Variants in DNAAF4 observed in about 807,000 individuals in gnomAD.
DNAAF4 encodes the protein dynein assembly factor 4, axonemal.
Under a neutral mutation model 51.8 loss-of-function variants are expected in DNAAF4, and 43 were observed. The ratio of observed to expected loss-of-function variants is 0.83; its 90% confidence interval spans 0.65 to 1.07. DNAAF4 has a LOEUF of 1.07. Ranked by LOEUF, DNAAF4 falls within the 50% of genes least tolerant of loss-of-function variation. The probability of loss-of-function intolerance (pLI) is 0.00; values close to 1 mark genes in which losing one functional copy is unlikely to be tolerated. For missense variants in DNAAF4, 581 were observed against 493.0 expected (o/e 1.18, Z -1.69); for synonymous variants, 194 against 165.6 (o/e 1.17, Z -1.32).
At chr15:55,424,730 G>A (rs1308868422) in intron 7 of DNAAF4, among the ~76,000 whole-genome samples, 1 of 150,788 alleles carries the variant, frequency 6.6e-6, no homozygotes, top group Non-Finnish European at 1.5e-5. Flanking sequence ...GCCCAGCTAA[G>A]TTTTGTATTT....
chr15:55,478,901 T>C (rs1325103696), intron 4 of DNAAF4, among the ~76,000 whole-genome samples: 1 of 152,108 alleles, frequency 6.6e-6, no homozygotes, highest in Non-Finnish European at 1.5e-5. Flanking sequence ...CCTGAGTACC[T>C]TGAAATATCT....
chr15:55,494,973 G>T (rs1056578936), intron 3 of DNAAF4, among the ~76,000 whole-genome samples: 1 of 152,096 alleles, frequency 6.6e-6, no homozygotes, highest in Non-Finnish European at 1.5e-5. Flanking sequence ...AGATATGACA[G>T]AGACCATATG....
At chr15:55,428,557 C>T (rs931484995), downstream of DNAAF4, among the ~76,000 whole-genome samples, 1 of 128,048 alleles carries the variant, frequency 7.8e-6, no homozygotes, top group African/African-American at 3.0e-5. Context: ...TACAGTGGCA[C>T]AATCTCGGCT....
chr15:55,469,174 A>T (rs914642213), intron 4 of DNAAF4, among the ~76,000 whole-genome samples: 1 of 151,892 alleles, frequency 6.6e-6, no homozygotes, highest in Non-Finnish European at 1.5e-5. Flanking sequence ...CTACTAAAAA[A>T]TACAAAATTT....
downstream of DNAAF4, among the ~76,000 whole-genome samples, chr15:55,425,510 G>T (rs910348058): frequency 6.6e-6 from 1 of 152,048 alleles, no homozygotes; most frequent in Non-Finnish European, 1.5e-5. Context: ...GGCCTCACAG[G>T]AATGAAAAGA....
intron 5 of DNAAF4, among the ~76,000 whole-genome samples, chr15:55,457,757 T>G (rs1392796753): frequency 6.6e-6 from 1 of 152,098 alleles, no homozygotes; most frequent in Non-Finnish European, 1.5e-5. Flanking sequence ...GTACTTGAAG[T>G]GCACTAAACA....
At chr15:55,444,843 T>C (rs1183928147) in intron 6 of DNAAF4, among the ~76,000 whole-genome samples, 2 of 152,142 alleles carry the variant, frequency 1.3e-5, no homozygotes, top group Admixed American at 1.3e-4. Context: ...TTCGGCTCTC[T>C]GTTTGTCTGT....
intron 3 of DNAAF4, among the ~76,000 whole-genome samples, chr15:55,493,165 C>T (rs1220380544): frequency 2.0e-5 from 3 of 152,086 alleles, no homozygotes; most frequent in Non-Finnish European, 4.4e-5. Context: ...GAGCCCTCAC[C>T]GCATACCAAA....
At position 55,447,850 on chromosome 15, in the gene DNAAF4, CAGAGGGGAGAGGGGAGAGGGG is replaced by C. The variant is rs201086945; in HGVS notation, c.783+2351_783+2371del. Among the ~76,000 whole-genome samples, 8 of 45,410 alleles carry C rather than the reference CAGAGGGGAGAGGGGAGAGGGG, an allele frequency of 1.8e-4. 1 individual carries two copies. The highest frequency in any genetic ancestry group is 4.4e-4 in the African/African-American group (5 of 11,336). The allele number at this position is 45,410 out of a possible 152,430, so 29.8% of individuals were successfully genotyped here. Reference sequence around the variant, plus strand: ...AGGGCAGAGGGGAGAGGGGAGAGGGCAGAGGGGAGAGGGGAGAGGGGAGAGGGGAGAGGGGAGCCCCTTTAT... The same window carrying C: ...AGGGCAGAGGGGAGAGGGGAGAGGGCAGAGGGGAGAGGGGAGCCCCTTTAT... On this transcript the variant is annotated intron_variant, in intron 6 of 9. Transcript: ENST00000321149.
chr15:55,480,541 C>T (rs986966093), intron 4 of DNAAF4, among the ~76,000 whole-genome samples: 28 of 152,104 alleles, frequency 1.8e-4, no homozygotes, highest in African/African-American at 4.3e-4. Flanking sequence ...ATTGTTTGCA[C>T]TGCACACTTG....
intron 1 of DNAAF4, among the ~76,000 whole-genome samples, chr15:55,499,253 A>G (rs895398358): frequency 2.0e-5 from 3 of 152,210 alleles, no homozygotes; most frequent in African/African-American, 4.8e-5. Flanking sequence ...GAGGTCACAC[A>G]TGGACTCTGC....
chr15:55,467,266 G>C (rs1397230203), intron 4 of DNAAF4, 105 bp from the exon 5 acceptor site: 3 of 1,078,304 alleles, frequency 2.8e-6, no homozygotes, highest in African/African-American at 1.6e-5. Flanking sequence ...CTAAACTCTT[G>C]CCATTGTATT....
intron 4 of DNAAF4, among the ~76,000 whole-genome samples, chr15:55,484,497 A>G (rs1232456697): frequency 6.6e-6 from 1 of 151,880 alleles, no homozygotes; most frequent in African/African-American, 2.4e-5. Flanking sequence ...GAAAAAAAAA[A>G]AAAAAAACAG....
At chr15:55,453,910 G>A (rs1337068623) in intron 5 of DNAAF4, among the ~76,000 whole-genome samples, 4 of 152,082 alleles carry the variant, frequency 2.6e-5, no homozygotes. Context: ...TCTTGGACAA[G>A]TATAACATAA....
chr15:55,431,248 A>G (rs2057488528), intron 9 of DNAAF4, among the ~76,000 whole-genome samples: 1 of 152,026 alleles, frequency 6.6e-6, no homozygotes, highest in African/African-American at 2.4e-5. Context: ...AATAAATGCT[A>G]TATTTTCTGT....
intron 7 of DNAAF4, among the ~76,000 whole-genome samples, chr15:55,437,369 T>C (rs7181226): frequency 0.18 from 27,177 of 152,096 alleles, 4,217 homozygotes; most frequent in African/African-American, 0.42. Flanking sequence ...TCCAGGCTTC[T>C]AACCTTCAGA....
intron 4 of DNAAF4, among the ~76,000 whole-genome samples, chr15:55,468,629 T>C (rs991040742): frequency 1.3e-5 from 2 of 152,118 alleles, no homozygotes; most frequent in Non-Finnish European, 2.9e-5. Flanking sequence ...TTTTTCACTC[T>C]CTGCCCCAAC....
At chr15:55,473,285 GTATATATATGTGTATA>G (rs1203146330) in intron 4 of DNAAF4, among the ~76,000 whole-genome samples, 1 of 127,388 alleles carries the variant, frequency 7.9e-6, no homozygotes, top group Admixed American at 8.5e-5. Context: ...ATATATATGT[GTATATATATGTGTATA>G]TATATGTGTG....
chr15:55,469,514 ACT>A (rs1396066699), intron 4 of DNAAF4, among the ~76,000 whole-genome samples: 3 of 99,240 alleles, frequency 3.0e-5, no homozygotes, highest in African/African-American at 1.2e-4. Flanking sequence ...ACGGAGTCTC[ACT>A]CTGTCGCCCA....
Sources: allele counts gnomAD v4.1 joint callset (sites outside exome capture counted in the v4.1 genomes callset), GRCh38; gene constraint gnomAD v4.1.1; transcripts MANE v1.5; gene names NCBI Gene and HGNC (gene_info 2026-07-23, HGNC 2026-07-21).